Variants in DYNC2H1 observed in about 807,000 individuals in gnomAD.
The protein encoded by DYNC2H1 is cytoplasmic dynein 2 heavy chain 1.
Under a neutral mutation model 570.0 loss-of-function variants are expected in DYNC2H1, and 410 were observed. The ratio of observed to expected loss-of-function variants is 0.72; its 90% confidence interval spans 0.66 to 0.78. The LOEUF is 0.78. Ranked by LOEUF, DYNC2H1 falls within the 30% of genes least tolerant of loss-of-function variation. The probability of loss-of-function intolerance (pLI) is 0.00; values close to 1 mark genes in which losing one functional copy is unlikely to be tolerated. For synonymous variants in DYNC2H1, 1,688 were observed against 1,677.6 expected (o/e 1.01, Z -0.15); for missense variants, 4,865 against 5,046.4 (o/e 0.96, Z 1.09).
In DYNC2H1 at chr11:103,145,370, A is replaced by G. The variant is rs1015590800; in HGVS notation, c.2702+1975A>G. On this transcript the variant is annotated intron_variant, in intron 18 of 88. Transcript: ENST00000375735. The surrounding 1 kb of genome is among the most constrained non-coding windows in gnomAD (Gnocchi z 4.2). ...AATATTAGTTTAAAGTAAGGAAAAG[A>G]TAGTGCTTTTGTAGTGCTTGCACAT... Among the ~76,000 whole-genome samples the G allele has an allele frequency of 2.0e-5, 3 of 152,194 alleles. No homozygotes were observed. Among genetic ancestry groups the G allele is most frequent in the Non-Finnish European group, 2.9e-5 (2 of 68,018 alleles).
At chr11:103,413,943 T>G (rs1052457572) in intron 84 of DYNC2H1, among the ~76,000 whole-genome samples, 2 of 152,208 alleles carry the variant, frequency 1.3e-5, no homozygotes, top group African/African-American at 4.8e-5. Flanking sequence ...TTGTCCTTTT[T>G]CATTCATTTA....
chr11:103,408,874 G>C (rs569156648), intron 84 of DYNC2H1, among the ~76,000 whole-genome samples: 55 of 152,098 alleles, frequency 3.6e-4, no homozygotes, highest in Non-Finnish European at 7.2e-4. Flanking sequence ...TTAATGCAAT[G>C]GTAATGGGTT....
intron 56 of DYNC2H1, 53 bp from the exon 57 acceptor site, chr11:103,220,570 T>C: frequency 6.7e-7 from 1 of 1,498,502 alleles, no homozygotes. Flanking sequence ...CAAGAGTTAA[T>C]GATTTAAAGA....
Position 103,199,617 on chromosome 11 carries a change from T to A in DYNC2H1, c.8088+141T>A, listed in dbSNP as rs1291644369. The A allele has an allele frequency of 1.3e-6, 1 of 752,782 alleles. No homozygotes were observed. The highest frequency in any genetic ancestry group is 1.8e-5 in the African/African-American group (1 of 55,116). 46.6% of individuals were successfully genotyped at this position (752,782 alleles called of 1,614,324 possible). A position where few individuals can be genotyped will look rare whatever the true frequency, so the allele number is the denominator to read the frequency against. The stretch of plus-strand genomic sequence containing the variant: ...AGAACTAAAGTTCTCTGTTATACAA[T>A]GTAGTCTTTATTTTAATTTAGATTA... On this transcript the variant is annotated intron_variant, in intron 49 of 88. Coordinates refer to ENST00000375735, the MANE Select transcript of DYNC2H1 (RefSeq NM_001377.3). The surrounding 1 kb of genome is among the most constrained non-coding windows in gnomAD (Gnocchi z 4.6).
chr11:103,286,465 T>C, intron 74 of DYNC2H1, 79 bp downstream of exon 74: 3 of 1,525,392 alleles, frequency 2.0e-6, no homozygotes, highest in Non-Finnish European at 2.7e-6. Context: ...AAGGAAAGCT[T>C]TGCTTTTAGA....
At chr11:103,251,112 G>A (rs1201657828) in intron 65 of DYNC2H1, among the ~76,000 whole-genome samples, 2 of 151,824 alleles carry the variant, frequency 1.3e-5, no homozygotes, top group African/African-American at 4.8e-5. Context: ...GCTTTATCGT[G>A]TATTGAGATA....
rs1366690590 is a variant in DYNC2H1, at chr11:103,239,640, G to A, written c.9819+3101G>A. On this transcript the variant is annotated intron_variant, in intron 63 of 88. Coordinates refer to ENST00000375735, the MANE Select transcript of DYNC2H1 (RefSeq NM_001377.3). The surrounding 1 kb of genome is among the most constrained non-coding windows in gnomAD (Gnocchi z 4.3). ...AGCTCCTGTCTATACACTTCTCATA[G>A]GAGTGTGTGTGTGTGTGTGTGTGTG... is the stretch of plus-strand genomic sequence containing the variant. 7.2e-6 allele frequency among the ~76,000 whole-genome samples: 1 copy of A among 139,282 alleles called. No homozygotes were observed. Among genetic ancestry groups the A allele is most frequent in the African/African-American group, 2.8e-5 (1 of 36,150 alleles). 91.4% of individuals were successfully genotyped at this position (139,282 alleles called of 152,430 possible). A position where few individuals can be genotyped will look rare whatever the true frequency, so the allele number is the denominator to read the frequency against.
intron 84 of DYNC2H1, among the ~76,000 whole-genome samples, chr11:103,419,285 G>A (rs549178424): frequency 6.6e-6 from 1 of 152,292 alleles, no homozygotes; most frequent in South Asian, 2.1e-4. Context: ...ACAAAAATGA[G>A]CCAGACTGAT....
chr11:103,214,443 C>CTT (rs1555071078), intron 54 of DYNC2H1, among the ~76,000 whole-genome samples: 10 of 51,964 alleles, frequency 1.9e-4, no homozygotes, highest in East Asian at 1.4e-3. Flanking sequence ...AGTACTTCTT[C>CTT]TTCTTTTTTT....
At position 103,472,156 on chromosome 11, in the gene DYNC2H1, C is replaced by T. The variant is rs1945408811; in HGVS notation, c.12765+3451C>T. 6.6e-6 allele frequency among the ~76,000 whole-genome samples: 1 copy of T among 152,000 alleles called. No homozygotes were observed. The highest frequency in any genetic ancestry group is 1.5e-5 in the Non-Finnish European group (1 of 67,984). On this transcript the variant is annotated intron_variant, in intron 88 of 88. Coordinates refer to ENST00000375735, the MANE Select transcript of DYNC2H1 (RefSeq NM_001377.3). The surrounding 1 kb of genome is among the most constrained non-coding windows in gnomAD (Gnocchi z 4.1). ...TGGGGGATGCGGCCAGAAAGGAAGG[C>T]CAAGACCAAGTATGAGAAGCTGAGT...
intron 84 of DYNC2H1, among the ~76,000 whole-genome samples, chr11:103,419,022 A>G (rs1943383702): frequency 6.6e-6 from 1 of 152,176 alleles, no homozygotes; most frequent in East Asian, 1.9e-4. Flanking sequence ...GGCTGAATTC[A>G]GGGAGCCAAG....
intron 83 of DYNC2H1, among the ~76,000 whole-genome samples, chr11:103,384,744 T>G (rs983815631): frequency 1.3e-5 from 2 of 152,154 alleles, no homozygotes; most frequent in East Asian, 1.9e-4. Context: ...TAGTCTGTCT[T>G]TCTTGTTGTT....
intron 83 of DYNC2H1, among the ~76,000 whole-genome samples, chr11:103,361,306 C>T (rs189795228): frequency 2.8e-4 from 43 of 152,240 alleles, no homozygotes; most frequent in African/African-American, 9.4e-4. Context: ...CCTTCCTCCA[C>T]GTGAGGACAC....
At position 103,255,606 on chromosome 11, in the gene DYNC2H1, G is replaced by A. The variant is rs1475327722; in HGVS notation, c.10326+72G>A. The A allele has an allele frequency of 5.2e-5, 73 of 1,408,650 alleles. No homozygotes were observed. The East Asian group carries it at 1.2e-3, about 23-fold the overall frequency. The allele number at this position is 1,408,650 out of a possible 1,614,324, so 87.3% of individuals were successfully genotyped here. On this transcript the variant is annotated intron_variant, in intron 67 of 88. Transcript: ENST00000375735. Reference sequence around the variant, plus strand: ...TTAATGAATACAAATAACAGTGTTTGGAAAATTAATAGTATCTTCAGATTT... The same window carrying A: ...TTAATGAATACAAATAACAGTGTTTAGAAAATTAATAGTATCTTCAGATTT...
chr11:103,191,385 AT>A, intron 45 of DYNC2H1, 131 bp from the exon 46 acceptor site: 1 of 637,280 alleles, frequency 1.6e-6, no homozygotes, highest in Non-Finnish European at 2.7e-6. Context: ...TAATGAAGTC[AT>A]TTATATTGAA....
chr11:103,335,565 TTAAGTC>T (rs1353844811), intron 82 of DYNC2H1, among the ~76,000 whole-genome samples: 6 of 152,080 alleles, frequency 3.9e-5, no homozygotes, highest in Non-Finnish European at 5.9e-5. Context: ...AGGAATCTCT[TTAAGTC>T]TAAGTACAGT....
At chr11:103,215,909 G>C in intron 55 of DYNC2H1, 51 bp downstream of exon 55, 1 of 1,574,238 alleles carries the variant, frequency 6.4e-7, no homozygotes. Flanking sequence ...GAGCATTTAT[G>C]CCTGATAGTC....
At chr11:103,187,162 G>A (rs973936949) in intron 42 of DYNC2H1, among the ~76,000 whole-genome samples, 178 bp from the exon 43 acceptor site, 1 of 151,910 alleles carries the variant, frequency 6.6e-6, no homozygotes, top group Non-Finnish European at 1.5e-5. Flanking sequence ...TGTTTTTCTA[G>A]TCTAAAAGAA....
At chr11:103,424,835 A>G (rs1011409909) in intron 84 of DYNC2H1, among the ~76,000 whole-genome samples, 1 of 152,132 alleles carries the variant, frequency 6.6e-6, no homozygotes, top group Non-Finnish European at 1.5e-5. Flanking sequence ...TTAAGAAGAG[A>G]TGCCTAGTAG....
Sources: gnomAD v4.1 joint callset for allele counts (sites outside exome capture counted in the v4.1 genomes callset) on GRCh38, gnomAD v4.1.1 for gene constraint, Gnocchi (gnomAD v3.1) non-coding constraint, MANE v1.5 for transcripts, NCBI Gene and HGNC (gene_info 2026-07-23, HGNC 2026-07-21) for gene names.